Variants in SIAE observed in about 807,000 individuals in gnomAD.
SIAE encodes the protein sialic acid acetylesterase.
Under a neutral mutation model 52.6 loss-of-function variants are expected in SIAE, and 39 were observed. The ratio of observed to expected loss-of-function variants is 0.74; its 90% CI spans 0.57 to 0.97. SIAE has a LOEUF of 0.97. Ranked by LOEUF, SIAE falls within the 50% of genes least tolerant of loss-of-function variation. The pLI is 0.00. For missense variants in SIAE, 592 were observed against 662.1 expected (o/e 0.89, Z 1.16); for synonymous variants, 233 against 241.4 (o/e 0.97, Z 0.32).
At chr11:124,641,461 A>C (rs375944662) in intron 7 of SIAE, among the ~76,000 whole-genome samples, 2 of 152,242 alleles carry the variant, frequency 1.3e-5, no homozygotes, top group East Asian at 1.9e-4. Flanking sequence ...TGTATAGTTG[A>C]TTCTTTTGTA....
intron 4 of SIAE, among the ~76,000 whole-genome samples, chr11:124,652,263 C>A (rs1201812756): frequency 6.6e-6 from 1 of 152,106 alleles, no homozygotes; most frequent in Admixed American, 6.6e-5. Flanking sequence ...GCGAAAGGCA[C>A]TTTGTAGATG....
intron 3 of SIAE, 93 bp from the exon 4 acceptor site, chr11:124,654,886 T>C: frequency 7.0e-7 from 1 of 1,437,204 alleles, no homozygotes; most frequent in African/African-American, 1.4e-5. Flanking sequence ...CTCCTGAGCT[T>C]TCAATATACT....
chr11:124,658,240 G>A (rs1037846899), intron 3 of SIAE, among the ~76,000 whole-genome samples: 1 of 145,180 alleles, frequency 6.9e-6, no homozygotes, highest in African/African-American at 2.5e-5. Flanking sequence ...GTGTGTCTGT[G>A]CACACACACA....
rs770811764 is a variant in SIAE, at chr11:124,660,531, G to A, written c.405+97C>T. 4 of 1,270,722 alleles carry A rather than the reference G, an allele frequency of 3.1e-6. No individual in the cohort carries two copies. In the South Asian group the frequency reaches 3.6e-5, roughly 11 times the overall value. 78.7% of individuals were successfully genotyped at this position (1,270,722 alleles called of 1,614,324 possible). ...CTTGGCTCATGGTACTCACTAAATA[G>A]AAACAGCCCTGCTTCTCCTTGTTGC... On this transcript the variant is annotated intron_variant, in intron 3 of 9. Transcript: ENST00000263593.
intron 3 of SIAE, chr11:124,658,803 G>GTGTGTGTGTGATGTA (rs1288650344): frequency 2.0e-5 from 3 of 152,100 alleles, no homozygotes; most frequent in African/African-American, 7.2e-5. Flanking sequence ...GTATGTGTGT[G>GTGTGTGTGTGATGTA]TGTGTGTGTG....
intron 5 of SIAE, 136 bp from the exon 6 acceptor site, chr11:124,648,311 A>C: frequency 1.4e-6 from 1 of 695,718 alleles, no homozygotes; most frequent in Non-Finnish European, 2.6e-6. Context: ...TTGAATCGAA[A>C]CTCTTTTTCT....
intron 7 of SIAE, among the ~76,000 whole-genome samples, chr11:124,641,326 A>G (rs562898844): frequency 6.6e-6 from 1 of 152,310 alleles, no homozygotes; most frequent in South Asian, 2.1e-4. Flanking sequence ...CACACTTCAC[A>G]TGTTAGAAGC....
At chr11:124,644,351 G>GAAAAAA (rs766691334) in intron 7 of SIAE, among the ~76,000 whole-genome samples, 1,290 of 98,804 alleles carry the variant, frequency 0.013, 17 homozygotes, top group Non-Finnish European at 0.019. Context: ...AGTCTGTGGT[G>GAAAAAA]AGAAAAAAAA....
At chr11:124,673,259 A>G (rs1189648923) in intron 1 of SIAE, among the ~76,000 whole-genome samples, 1 of 152,180 alleles carries the variant, frequency 6.6e-6, no homozygotes, top group African/African-American at 2.4e-5. Flanking sequence ...AATGTTTTGG[A>G]AGATTCAGTC....
At position 124,636,981 on chromosome 11, in the gene SIAE, A is replaced by G. The variant is rs1317477504; in HGVS notation, c.1542T>C (p.Gly514=). The change falls in exon 10 of 10, where the codon GGT becomes GGC. Residue 514 remains glycine (G), a synonymous_variant. Transcript: ENST00000263593. The part of the protein sequence containing the change: ...PPFIAFITDQ[G]PGHQSNVAK ...TAGCAACATTGCTCTGATGTCCAGGACCCTGGTCTGTAATGAAAGCAATGA... is the reference window on the plus strand; with the variant it reads ...TAGCAACATTGCTCTGATGTCCAGGGCCCTGGTCTGTAATGAAAGCAATGA... The G allele has an allele frequency of 6.2e-6, 10 of 1,614,078 alleles. No homozygotes were observed. Among genetic ancestry groups the G allele is most frequent in the Non-Finnish European group, 8.5e-6 (10 of 1,180,044 alleles).
chr11:124,646,140 C>T (rs1470154298), intron 7 of SIAE, among the ~76,000 whole-genome samples: 1 of 152,200 alleles, frequency 6.6e-6, no homozygotes, highest in Non-Finnish European at 1.5e-5. Context: ...TTCATATGAA[C>T]ATGTGGAGGC....
chr11:124,633,855 G>A lies in SIAE; in HGVS notation c.*3096C>T, dbSNP rs1942663158. On this transcript the variant is annotated 3_prime_UTR_variant, in exon 10 of 10. Coordinates refer to ENST00000263593, the MANE Select transcript of SIAE (RefSeq NM_170601.5). Reference sequence around the variant, plus strand: ...TAACAAATATTTTCCCACTATTACAGCCTGAGTAATACCCGTATTAAAAGA... The same window carrying A: ...TAACAAATATTTTCCCACTATTACAACCTGAGTAATACCCGTATTAAAAGA... 1 of 152,012 alleles carries A rather than the reference G, an allele frequency of 6.6e-6. No individual in the cohort carries two copies. Among genetic ancestry groups the A allele is most frequent in the Admixed American group, 6.6e-5 (1 of 15,256 alleles). The allele number at this position is 152,012 out of a possible 1,614,324, so 9.4% of individuals were successfully genotyped here. A position where few individuals can be genotyped will look rare whatever the true frequency, so the allele number is the denominator to read the frequency against.
At chr11:124,647,021 A>G (rs1484709394) in intron 7 of SIAE, among the ~76,000 whole-genome samples, 1 of 152,270 alleles carries the variant, frequency 6.6e-6, no homozygotes, top group African/African-American at 2.4e-5. Context: ...ATAAATGAGC[A>G]GAAGACAGCT....
chr11:124,651,927 AG>A (rs1943022755), intron 4 of SIAE, among the ~76,000 whole-genome samples: 1 of 152,234 alleles, frequency 6.6e-6, no homozygotes, highest in Non-Finnish European at 1.5e-5. Context: ...AGTGGTAAAC[AG>A]GAGGGAAGAA....
intron 9 of SIAE, among the ~76,000 whole-genome samples, 197 bp from the exon 10 acceptor site, chr11:124,637,399 T>C (rs951233428): frequency 6.6e-6 from 1 of 152,210 alleles, no homozygotes; most frequent in Non-Finnish European, 1.5e-5. Context: ...TACATGTTCA[T>C]GTGATCAAAT....
At chr11:124,653,748 A>G (rs1346218875) in intron 4 of SIAE, among the ~76,000 whole-genome samples, 2 of 152,332 alleles carry the variant, frequency 1.3e-5, no homozygotes, top group East Asian at 3.9e-4. Flanking sequence ...GGTGTTTGCG[A>G]TGTTTACTGT....
At chr11:124,675,503 C>T, upstream of SIAE, 2 of 1,449,018 alleles carry the variant, frequency 1.4e-6, no homozygotes, top group Non-Finnish European at 1.9e-6. Context: ...CATCTCCATT[C>T]TGCAGAAAGC....
At chr11:124,664,498 T>G (rs11824315) in intron 2 of SIAE, among the ~76,000 whole-genome samples, 16,396 of 152,064 alleles carry the variant, frequency 0.11, 2,832 homozygotes, top group African/African-American at 0.36. Context: ...TCTCCCGAAG[T>G]GCTGGGATTA....
intron 2 of SIAE, among the ~76,000 whole-genome samples, chr11:124,665,307 T>A (rs982227724): frequency 2.3e-4 from 35 of 152,236 alleles, no homozygotes; most frequent in African/African-American, 8.4e-4. Flanking sequence ...CATTTCACTT[T>A]AAGTTAATAA....
Sources: gnomAD v4.1 joint callset for allele counts (sites outside exome capture counted in the v4.1 genomes callset) on GRCh38, gnomAD v4.1.1 for gene constraint, MANE v1.5 for transcripts, NCBI Gene and HGNC (gene_info 2026-07-23, HGNC 2026-07-21) for gene names.